DDX10: variants seen among roughly 807,000 people sequenced by gnomAD.
DDX10 encodes probable ATP-dependent RNA helicase DDX10.
Under a neutral mutation model 104.3 loss-of-function variants are expected in DDX10, and 74 were observed. The observed-to-expected ratio is 0.71, with a 90% CI of 0.59 to 0.86. The LOEUF is 0.86. Among genes scored for constraint, DDX10 ranks in the 40% least tolerant of loss-of-function variants. The pLI is 0.00. For synonymous variants in DDX10, 351 were observed against 353.4 expected (o/e 0.99, Z 0.08); for missense variants, 952 against 1,040.0 (o/e 0.92, Z 1.16).
At chr11:108,903,960 A>C (rs569970876) in intron 16 of DDX10, among the ~76,000 whole-genome samples, 2 of 152,184 alleles carry the variant, frequency 1.3e-5, no homozygotes, top group Admixed American at 6.5e-5. Flanking sequence ...GCTGTGTTGC[A>C]TGATAACTTT....
At chr11:108,732,074 T>A (rs1449087902) in intron 13 of DDX10, among the ~76,000 whole-genome samples, 1 of 152,208 alleles carries the variant, frequency 6.6e-6, no homozygotes, top group Non-Finnish European at 1.5e-5. Context: ...AAAAGAAGAT[T>A]TGTACAAGAA....
chr11:108,862,686 C>T (rs989719565), intron 16 of DDX10, among the ~76,000 whole-genome samples: 2 of 152,242 alleles, frequency 1.3e-5, no homozygotes, highest in South Asian at 2.1e-4. Flanking sequence ...GGAGCGTAGT[C>T]GTCATTCTGC....
chr11:108,700,961 G>A (rs1484020469), intron 9 of DDX10, among the ~76,000 whole-genome samples: 1 of 151,312 alleles, frequency 6.6e-6, no homozygotes, highest in East Asian at 1.9e-4. Flanking sequence ...TTCTTAGTCA[G>A]TGCTAGAAGC....
chr11:108,753,602 C>A (rs1355681381), intron 13 of DDX10, among the ~76,000 whole-genome samples: 2 of 151,944 alleles, frequency 1.3e-5, no homozygotes, highest in Non-Finnish European at 2.9e-5. Flanking sequence ...TTCACGAATT[C>A]CTGGTTCAGA....
intron 17 of DDX10, among the ~76,000 whole-genome samples, chr11:108,926,435 C>T (rs1863909977): frequency 6.6e-6 from 1 of 152,144 alleles, no homozygotes; most frequent in African/African-American, 2.4e-5. Flanking sequence ...AGTCTTCTGC[C>T]TTCTAGTTCT....
intron 13 of DDX10, among the ~76,000 whole-genome samples, chr11:108,812,032 G>A (rs1565286360): frequency 6.6e-6 from 1 of 151,750 alleles, no homozygotes; most frequent in East Asian, 1.9e-4. Flanking sequence ...TTTTTATCCT[G>A]GTACAGTTAG....
intron 13 of DDX10, among the ~76,000 whole-genome samples, chr11:108,748,422 A>G (rs560423687): frequency 1.3e-5 from 2 of 152,338 alleles, no homozygotes; most frequent in South Asian, 2.1e-4. Flanking sequence ...AACACTGTCA[A>G]CCATCCTGGC....
intron 16 of DDX10, among the ~76,000 whole-genome samples, chr11:108,916,986 T>C (rs758545988): frequency 6.6e-6 from 1 of 152,100 alleles, no homozygotes; most frequent in Non-Finnish European, 1.5e-5. Flanking sequence ...CCTTCTCCCA[T>C]TCTTCTTAGT....
chr11:108,833,179 C>T (rs772681543), intron 13 of DDX10, among the ~76,000 whole-genome samples: 2 of 152,184 alleles, frequency 1.3e-5, no homozygotes, highest in Non-Finnish European at 1.5e-5. Context: ...AGTGTGTTAG[C>T]GTTTGCCACT....
rs760523113 is a variant in DDX10, at chr11:108,677,250, C to T, written c.537+7C>T. 1.2e-6 allele frequency: 2 copies of T among 1,610,290 alleles called. No homozygotes were observed. The highest frequency in any genetic ancestry group is 1.7e-6 in the Non-Finnish European group (2 of 1,177,280). ...TCTCATCATTGGTGGAAAGGTTTGT[C>T]CTTTTGTCTATGTCCTTCCTTTCCT... On this transcript the variant is annotated splice_region_variant and intron_variant, in intron 4 of 17. Coordinates refer to ENST00000322536, the MANE Select transcript of DDX10 (RefSeq NM_004398.4).
intron 13 of DDX10, among the ~76,000 whole-genome samples, chr11:108,774,732 T>C (rs893728268): frequency 6.6e-6 from 1 of 152,184 alleles, no homozygotes; most frequent in Non-Finnish European, 1.5e-5. Flanking sequence ...CAGCTGTATT[T>C]TTTATAGTTT....
At position 108,712,445 on chromosome 11, in the gene DDX10, G is replaced by GTT. The variant is rs1024411837; in HGVS notation, c.1323-3425_1323-3424dup. ...ACTGTTTTCTCTCCTTAGCATACCA[G>GTT]TTTTTTTTTTCTTTTTCACTTTTTT... On this transcript the variant is annotated intron_variant, in intron 10 of 17. Transcript: ENST00000322536. Among the ~76,000 whole-genome samples, 195 of 148,406 alleles carry GTT rather than the reference G, an allele frequency of 1.3e-3. 1 individual carries two copies. Among genetic ancestry groups the GTT allele is most frequent in the African/African-American group, 4.6e-3 (185 of 40,532 alleles).
intron 13 of DDX10, among the ~76,000 whole-genome samples, chr11:108,744,292 A>G (rs1228238849): frequency 6.6e-6 from 1 of 152,204 alleles, no homozygotes; most frequent in Non-Finnish European, 1.5e-5. Context: ...GCCTTAGCAG[A>G]TGCCTAAAAA....
chr11:108,750,926 CTTTTTTTTTTTTTTTTTTTTTTTTT>C (rs10582729), intron 13 of DDX10, among the ~76,000 whole-genome samples: 1 of 24,250 alleles, frequency 4.1e-5, no homozygotes, highest in East Asian at 2.0e-3. Flanking sequence ...CACCTGGTTA[CTTTTTTTTTTTTTTTTTTTTTTTTT>C]TTTTTTTTTT....
rs575887651 is a variant in DDX10 at position 108,937,201 on chromosome 11, C to T, written c.2451-3045C>T. On this transcript the variant is annotated intron_variant, in intron 17 of 17. Transcript: ENST00000322536. ...GTCTGCCGATCTCGCGAGTGAGGGC[C>T]GTGCTTGAGGAGTGAGGGACTGGGA... is the stretch of plus-strand genomic sequence containing the variant. 6.6e-5 allele frequency among the ~76,000 whole-genome samples: 10 copies of T among 152,262 alleles called. No individual in the cohort carries two copies. In the East Asian group the frequency reaches 1.7e-3, roughly 26 times the overall value.
intron 16 of DDX10, among the ~76,000 whole-genome samples, chr11:108,914,728 A>G (rs1377147214): frequency 6.6e-6 from 1 of 152,104 alleles, no homozygotes; most frequent in East Asian, 1.9e-4. Context: ...TCAGATTTGA[A>G]TTTAGCAAAG....
chr11:108,722,907 G>A (rs1295884694), intron 12 of DDX10, 90 bp from the exon 13 acceptor site: 1 of 1,459,738 alleles, frequency 6.9e-7, no homozygotes, highest in Non-Finnish European at 9.0e-7. Context: ...AAAGCTCTAG[G>A]AATCTCTGCT....
intron 16 of DDX10, among the ~76,000 whole-genome samples, chr11:108,872,389 A>G (rs912517918): frequency 3.3e-5 from 5 of 152,360 alleles, no homozygotes; most frequent in African/African-American, 9.6e-5. Context: ...GCAAATTGAT[A>G]CAAGCATAAA....
At chr11:108,721,742 G>A (rs1380014040) in intron 12 of DDX10, among the ~76,000 whole-genome samples, 8 of 152,130 alleles carry the variant, frequency 5.3e-5, no homozygotes, top group Admixed American at 3.3e-4. Flanking sequence ...ATATATTAAA[G>A]GTTTTAAAAT....
Sources: allele counts gnomAD v4.1 joint callset (sites outside exome capture counted in the v4.1 genomes callset), GRCh38; gene constraint gnomAD v4.1.1; transcripts MANE v1.5; gene names NCBI Gene and HGNC (gene_info 2026-07-23, HGNC 2026-07-21).